Variants in STAC observed in about 807,000 individuals in gnomAD.
STAC encodes SH3 and cysteine rich domain.
In STAC, 43 loss-of-function variants were observed where a neutral mutation model predicts 48.8. That is an observed-to-expected ratio of 0.88 (90% CI 0.69 to 1.14). The LOEUF (loss-of-function observed/expected upper bound fraction) is 1.14. STAC is among the 50% of genes most tolerant of loss of function. The pLI is 0.00. For synonymous variants in STAC, 193 were observed against 179.5 expected, an observed-to-expected ratio of 1.07 and a Z score of -0.60; for missense variants, 497 against 504.0, an observed-to-expected ratio of 0.99 and a Z score of 0.13.
intron 1 of STAC, among the ~76,000 whole-genome samples, chr3:36,398,555 G>A (rs1424744981): frequency 2.5e-3 from 21 of 8,438 alleles, no homozygotes; most frequent in South Asian, 0.013. Context: ...AAGAGAAAGA[G>A]AGAGGGAAGG....
At chr3:36,463,139 T>C (rs1697065638) in intron 2 of STAC, among the ~76,000 whole-genome samples, 1 of 152,174 alleles carries the variant, frequency 6.6e-6, no homozygotes, top group South Asian at 2.1e-4. Flanking sequence ...CTTCGAGAAA[T>C]TTTGGTTTCA....
At chr3:36,490,088 T>C (rs79763750) in intron 5 of STAC, among the ~76,000 whole-genome samples, 2,663 of 152,288 alleles carry the variant, frequency 0.017, 21 homozygotes, top group Non-Finnish European at 0.021. Context: ...AAAGTTTGCT[T>C]CCAAAGAAAT....
At chr3:36,458,204 G>A (rs1696904498) in intron 2 of STAC, among the ~76,000 whole-genome samples, 1 of 152,032 alleles carries the variant, frequency 6.6e-6, no homozygotes, top group African/African-American at 2.4e-5. Context: ...AAACCATCTT[G>A]TTCAACTGAA....
At chr3:36,448,858 G>A (rs1425501446) in intron 2 of STAC, among the ~76,000 whole-genome samples, 1 of 151,448 alleles carries the variant, frequency 6.6e-6, no homozygotes, top group Non-Finnish European at 1.5e-5. Context: ...TAAGAGGATA[G>A]CTTGAGGCTA....
At chr3:36,419,058 A>AG (rs1700388014) in intron 1 of STAC, among the ~76,000 whole-genome samples, 1 of 152,020 alleles carries the variant, frequency 6.6e-6, no homozygotes, top group Non-Finnish European at 1.5e-5. Context: ...AAAAAAAAAA[A>AG]AAAAAAGAAA....
intron 3 of STAC, 108 bp from the exon 4 acceptor site, chr3:36,484,869 C>G: frequency 1.4e-6 from 1 of 730,732 alleles, no homozygotes. Context: ...TAATGGGAGA[C>G]AGGAGGGTGC....
chr3:36,486,223 G>A lies in STAC; in HGVS notation c.661G>A (p.Gly221Ser), dbSNP rs1424853374. The change falls in exon 5 of 11, where the codon GGC becomes AGC. Residue 221 changes from glycine to serine, a missense_variant. Coordinates refer to ENST00000273183, the MANE Select transcript of STAC (RefSeq NM_003149.3). ...GACAAAGAAGGGCAGCTCCGGCAGT[G>A]GCTCTGACTCACCTCACAGAACCTC... is the stretch of plus-strand genomic sequence containing the variant. ...QRTKKGSSGS[G>S]SDSPHRTSTS... 6.2e-7 allele frequency: 1 copy of A among 1,613,844 alleles called. No homozygotes were observed. Among genetic ancestry groups the A allele is most frequent in the Non-Finnish European group, 8.5e-7 (1 of 1,179,952 alleles).
intron 1 of STAC, among the ~76,000 whole-genome samples, chr3:36,417,981 G>A (rs566644163): frequency 6.6e-6 from 1 of 152,268 alleles, no homozygotes; most frequent in East Asian, 1.9e-4. Context: ...GTATATGAGT[G>A]AAGGTTCTCA....
chr3:36,546,215 CA>C lies in STAC; in HGVS notation c.1137del (p.Asp380MetfsTer20). 1 of 1,613,948 alleles carries C rather than the reference CA, an allele frequency of 6.2e-7. No individual in the cohort carries two copies. The highest frequency in any genetic ancestry group is 8.5e-7 in the Non-Finnish European group (1 of 1,179,892). On this transcript the variant is annotated frameshift_variant, in exon 11 of 11. Transcript: ENST00000273183. LOFTEE classifies it high-confidence loss of function. ...GATCTGCGTGAGTTCTGAAGAAGAA[CA>C]AGATGGTTTTATCAGAGTCCTCAGT... ...NQICVSSEEEQDGFIRVLSGK... is the reference protein window; with the variant it reads ...NQICVSSEEEXDGFIRVLSGK...
rs572284950 is a variant in STAC, at chr3:36,439,128, T to C, written c.112-4236T>C. Among the ~76,000 whole-genome samples the C allele has an allele frequency of 1.6e-4, 25 of 152,202 alleles. No homozygotes were observed. In the South Asian group the frequency reaches 4.8e-3, roughly 29 times the overall value. On this transcript the variant is annotated intron_variant, in intron 1 of 10. Coordinates refer to ENST00000273183, the MANE Select transcript of STAC (RefSeq NM_003149.3). ...GTGGAAAGAGCATGGGGACGGGGAT[T>C]GGAGGAAGGCAGATTCAATTTGAAC... is the stretch of plus-strand genomic sequence containing the variant.
chr3:36,493,173 C>A lies in STAC; in HGVS notation c.710C>A (p.Pro237His). 1 of 1,613,462 alleles carries A rather than the reference C, an allele frequency of 6.2e-7. No individual in the cohort carries two copies. The change falls in exon 6 of 11, where the codon CCT becomes CAT. Residue 237 changes from proline to histidine, a missense_variant. Pro to His is a moderately conservative substitution (Grantham distance 77). Transcript: ENST00000273183. ...RTSTSDLVEVPEEANGPGGGY... is the reference protein window; with the variant it reads ...RTSTSDLVEVHEEANGPGGGY... Reference sequence around the variant, plus strand: ...AAGACTTCAGATCTTGTGGAGGTTCCTGAGGAAGCCAATGGGCCAGGAGGC... The same window carrying A: ...AAGACTTCAGATCTTGTGGAGGTTCATGAGGAAGCCAATGGGCCAGGAGGC...
In STAC at chr3:36,443,277, T is replaced by G; in HGVS notation, c.112-87T>G. ...ACGGAGGGTGTCAGTGGGGACTGTG[T>G]AGTGCACACAGCAGACCTTACCCCC... On this transcript the variant is annotated intron_variant, in intron 1 of 10. Coordinates refer to ENST00000273183, the MANE Select transcript of STAC (RefSeq NM_003149.3). This position sits in a 1 kb window ranked among gnomAD's most constrained non-coding sequence, Gnocchi z 4.2. 1 of 1,476,918 alleles carries G rather than the reference T, an allele frequency of 6.8e-7. No homozygotes were observed. Among genetic ancestry groups the G allele is most frequent in the Non-Finnish European group, 9.3e-7 (1 of 1,077,274 alleles). 91.5% of individuals were successfully genotyped at this position (1,476,918 alleles called of 1,614,324 possible).
chr3:36,541,143 G>C (rs1035920243), intron 10 of STAC, among the ~76,000 whole-genome samples: 1 of 151,912 alleles, frequency 6.6e-6, no homozygotes, highest in African/African-American at 2.4e-5. Context: ...GACAAAGAAA[G>C]ATTTTCTTCC....
chr3:36,400,031 G>C (rs1034235198), intron 1 of STAC, among the ~76,000 whole-genome samples: 1 of 152,194 alleles, frequency 6.6e-6, no homozygotes, highest in African/African-American at 2.4e-5. Flanking sequence ...GGTCGAAAGA[G>C]GTACAAGCAG....
chr3:36,444,033 C>T (rs1198096044), intron 2 of STAC, among the ~76,000 whole-genome samples: 1 of 152,196 alleles, frequency 6.6e-6, no homozygotes, highest in Non-Finnish European at 1.5e-5. Flanking sequence ...GTCATATGTG[C>T]ATGGTCATAT....
chr3:36,453,663 ACCACCCAAG>A lies in STAC; in HGVS notation c.388+10024_388+10032del, dbSNP rs1336862472. ...TGCTCCACGGCGCCCAATCCCATCGACCACCCAAGGGCTGAGGAGTGCTGGCGCAGGGCG... is the reference window on the plus strand; with the variant it reads ...TGCTCCACGGCGCCCAATCCCATCGAGGCTGAGGAGTGCTGGCGCAGGGCG... On this transcript the variant is annotated intron_variant, in intron 2 of 10. Transcript: ENST00000273183. Among the ~76,000 whole-genome samples the A allele has an allele frequency of 4.8e-3, 141 of 29,360 alleles. 62 individuals carry two copies. Among genetic ancestry groups the A allele is most frequent in the Middle Eastern group, 0.028 (2 of 72 alleles). The allele number at this position is 29,360 out of a possible 152,430, so 19.3% of individuals were successfully genotyped here.
chr3:36,461,575 A>C (rs715660), intron 2 of STAC, among the ~76,000 whole-genome samples: 43,777 of 152,116 alleles, frequency 0.29, 6,849 homozygotes, highest in Middle Eastern at 0.4. Flanking sequence ...GTGATAAATG[A>C]TATGGAAAGA....
intron 1 of STAC, among the ~76,000 whole-genome samples, chr3:36,428,149 G>A (rs1251635190): frequency 1.3e-5 from 2 of 152,194 alleles, no homozygotes; most frequent in Non-Finnish European, 2.9e-5. Flanking sequence ...TCCAGAGTGG[G>A]ATGTAATTGA....
intron 6 of STAC, among the ~76,000 whole-genome samples, chr3:36,498,525 A>G (rs1698203035): frequency 6.6e-6 from 1 of 152,198 alleles, no homozygotes; most frequent in African/African-American, 2.4e-5. Context: ...AGGCCGAGAT[A>G]GGAGAATTGC....
Sources: allele counts gnomAD v4.1 joint callset (sites outside exome capture counted in the v4.1 genomes callset), GRCh38; gene constraint gnomAD v4.1.1; non-coding constraint Gnocchi (gnomAD v3.1); transcripts MANE v1.5; gene names NCBI Gene and HGNC (gene_info 2026-07-23, HGNC 2026-07-21).